The following TM9SF4 variants were observed in gnomAD, a reference collection of about 807,000 sequenced individuals.
TM9SF4 encodes dinucleotide oxidase disulfide thiol exchanger 3 superfamily member 4.
A neutral mutation model predicts 90.4 loss-of-function variants in TM9SF4; 26 were observed. That is an observed-to-expected ratio of 0.29 (90% CI 0.21 to 0.40). TM9SF4 has a LOEUF of 0.40. TM9SF4 is among the 10% of genes least tolerant of loss of function. TM9SF4 has a pLI of 1.00. For synonymous variants in TM9SF4, 293 were observed against 315.4 expected (o/e 0.93, Z 0.75); for missense variants, 549 against 834.8 (o/e 0.66, Z 4.22).
chr20:32,111,257 G>GTA (rs746739690), intron 1 of TM9SF4, among the ~76,000 whole-genome samples: 10 of 152,140 alleles, frequency 6.6e-5, no homozygotes, highest in Non-Finnish European at 1.3e-4. Context: ...CTACATATAT[G>GTA]TATATATATT....
In TM9SF4 at chr20:32,141,500, A is replaced by C; in HGVS notation, c.233A>C (p.Glu78Ala). The change falls in exon 4 of 18, where the codon GAG becomes GCG. Residue 78 changes from glutamate to alanine, a missense_variant. By Grantham distance (107) the Glu-to-Ala change is moderately radical. Transcript: ENST00000398022. ...TGATCTGTCTCTCTTACGGCAGGAG[A>C]GGTGCTGAGAGGGGACCGGATTGTC... The part of the protein sequence containing the change: ...KITYKAENLG[E>A]VLRGDRIVNT... 1 of 1,613,806 alleles carries C rather than the reference A, an allele frequency of 6.2e-7. No homozygotes were observed. The highest frequency in any genetic ancestry group is 8.5e-7 in the Non-Finnish European group (1 of 1,179,910).
chr20:32,161,404 G>T (rs1053816847), intron 17 of TM9SF4, 39 bp downstream of exon 17: 1 of 1,586,026 alleles, frequency 6.3e-7, no homozygotes, highest in African/African-American at 1.3e-5. Flanking sequence ...AGTCCTCATA[G>T]GGTAGGAAGG....
At chr20:32,138,367 G>A (rs1189412149) in intron 3 of TM9SF4, among the ~76,000 whole-genome samples, 2 of 152,182 alleles carry the variant, frequency 1.3e-5, no homozygotes, top group Admixed American at 1.3e-4. Context: ...TTTCGCTCAT[G>A]CCTGTAATCC....
In TM9SF4 at chr20:32,136,089, A is replaced by G; in HGVS notation, c.145A>G (p.Ser49Gly). 6.2e-7 allele frequency: 1 copy of G among 1,614,188 alleles called. No individual in the cohort carries two copies. The highest frequency in any genetic ancestry group is 8.5e-7 in the Non-Finnish European group (1 of 1,180,030). ...TTCCCATCAGGCTGTGAAGCTCACC[A>G]GCTCTCGAACCCAGCTACCTTATGA... ...PVEIKAVKLT[S>G]SRTQLPYEYY... Residue 49 changes from serine (S) to glycine (G), a missense_variant, in exon 3 of 18, where the codon AGC (serine) becomes GGC (glycine). Ser to Gly is a moderately conservative substitution (Grantham distance 56). Coordinates refer to ENST00000398022, the MANE Select transcript of TM9SF4 (RefSeq NM_014742.4).
intron 3 of TM9SF4, among the ~76,000 whole-genome samples, chr20:32,138,938 C>G (rs923739650): frequency 6.6e-6 from 1 of 152,236 alleles, no homozygotes; most frequent in African/African-American, 2.4e-5. Flanking sequence ...AGCTTGTCAT[C>G]TATAAAATGC....
chr20:32,165,437 T>C lies in TM9SF4; in HGVS notation c.1922T>C (p.Ile641Thr), dbSNP rs1315571782. The C allele has an allele frequency of 6.2e-7, 1 of 1,614,172 alleles. No individual in the cohort carries two copies. The highest frequency in any genetic ancestry group is 8.5e-7 in the Non-Finnish European group (1 of 1,180,022). ...FVRKIYAAVK[I>T]D ...CGCAAGATCTATGCTGCTGTGAAGA[T>C]AGACTGATTGGAGTGGACCACGGCC... The change falls in exon 18 of 18, where the codon ATA becomes ACA. Residue 641 changes from isoleucine to threonine, a missense_variant. By Grantham distance (89) the Ile-to-Thr change is moderately conservative. Around this residue, in one of 2 missense-constraint regions of TM9SF4, gnomAD observed 54 missense variants for 123.1 expected, o/e 0.44. Transcript: ENST00000398022.
chr20:32,158,353 C>T, intron 14 of TM9SF4, 98 bp from the exon 15 acceptor site: 1 of 1,140,020 alleles, frequency 8.8e-7, no homozygotes, highest in Non-Finnish European at 1.3e-6. Flanking sequence ...CACCACCACA[C>T]TCGTGTAGGT....
chr20:32,112,885 T>C (rs1490213637), intron 1 of TM9SF4, among the ~76,000 whole-genome samples: 1 of 152,168 alleles, frequency 6.6e-6, no homozygotes, highest in Non-Finnish European at 1.5e-5. Flanking sequence ...AGAAACTTCA[T>C]ATCTGGTGCA....
chr20:32,116,862 CTTTTTTTTTTTTTTT>C (rs201365030), intron 1 of TM9SF4, among the ~76,000 whole-genome samples: 1 of 95,852 alleles, frequency 1.0e-5, no homozygotes, highest in African/African-American at 4.1e-5. Flanking sequence ...TTTCCTTTTT[CTTTTTTTTTTTTTTT>C]TTTTTTTTTT....
intron 1 of TM9SF4, among the ~76,000 whole-genome samples, chr20:32,119,027 A>G (rs1352888395): frequency 6.6e-6 from 1 of 152,182 alleles, no homozygotes; most frequent in African/African-American, 2.4e-5. Flanking sequence ...TACCATAAAT[A>G]TATTCAATTT....
chr20:32,147,012 C>T (rs1205878310), intron 9 of TM9SF4, among the ~76,000 whole-genome samples, 157 bp downstream of exon 9: 1 of 149,108 alleles, frequency 6.7e-6, no homozygotes, highest in African/African-American at 2.5e-5. Flanking sequence ...GACGGAGTCT[C>T]GCTCTGTCAC....
In TM9SF4 at chr20:32,155,200, C is replaced by T; in HGVS notation, c.1329+14C>T. The stretch of plus-strand genomic sequence containing the variant: ...TCATCAGGAGCGGTAAGTGCCTCCC[C>T]TACCCTTCCAGCCCCTCCCCAGCAA... On this transcript the variant is annotated intron_variant, in intron 13 of 17. Coordinates refer to ENST00000398022, the MANE Select transcript of TM9SF4 (RefSeq NM_014742.4). 1.2e-6 allele frequency: 2 copies of T among 1,609,600 alleles called. No homozygotes were observed. Among genetic ancestry groups the T allele is most frequent in the Non-Finnish European group, 8.5e-7 (1 of 1,175,750 alleles).
In TM9SF4 at chr20:32,165,299, A is replaced by G. The variant is rs750705396; in HGVS notation, c.1784A>G (p.Asp595Gly). The change falls in exon 18 of 18, where the codon GAC becomes GGC. Residue 595 changes from aspartate to glycine, a missense_variant. Around this residue, in one of 2 missense-constraint regions of TM9SF4, gnomAD observed 54 missense variants for 123.1 expected, o/e 0.44. Transcript: ENST00000398022. ...YAIFYFVNKL[D>G]IVEFIPSLLY... The stretch of plus-strand genomic sequence containing the variant: ...TCTTTCTGCTCGTGGCCGCAGCTGG[A>G]CATCGTGGAGTTCATCCCCTCTCTC... 22 of 1,614,040 alleles carry G rather than the reference A, an allele frequency of 1.4e-5. No individual in the cohort carries two copies. The highest frequency in any genetic ancestry group is 2.2e-5 in the East Asian group (1 of 44,886).
At chr20:32,135,972 C>G (rs919778421) in intron 2 of TM9SF4, 102 bp from the exon 3 acceptor site, 1 of 924,028 alleles carries the variant, frequency 1.1e-6, no homozygotes, top group African/African-American at 1.6e-5. Flanking sequence ...GTCATTTCTG[C>G]TAATTCGTTT....
chr20:32,155,279 C>T, intron 13 of TM9SF4, 93 bp downstream of exon 13: 1 of 1,071,670 alleles, frequency 9.3e-7, no homozygotes, highest in Non-Finnish European at 1.4e-6. Context: ...CTGCCATTCC[C>T]TTCCCTTTTC....
intron 3 of TM9SF4, among the ~76,000 whole-genome samples, chr20:32,138,361 G>A (rs899956691): frequency 1.3e-5 from 2 of 152,144 alleles, no homozygotes; most frequent in South Asian, 2.1e-4. Flanking sequence ...GAGCCATTTC[G>A]CTCATGCCTG....
chr20:32,148,861 G>A (rs950839995), intron 9 of TM9SF4, among the ~76,000 whole-genome samples: 1 of 151,846 alleles, frequency 6.6e-6, no homozygotes, highest in Non-Finnish European at 1.5e-5. Context: ...TAGTAGAGAC[G>A]GGGTTTCACC....
chr20:32,159,871 G>A, intron 15 of TM9SF4, 121 bp from the exon 16 acceptor site: 2 of 1,417,578 alleles, frequency 1.4e-6, no homozygotes, highest in Non-Finnish European at 2.0e-6. Context: ...CACATGCCAG[G>A]CCCACGGGCC....
At chr20:32,155,509 T>G (rs2046906280) in intron 13 of TM9SF4, among the ~76,000 whole-genome samples, 2 of 152,206 alleles carry the variant, frequency 1.3e-5, no homozygotes, top group Non-Finnish European at 2.9e-5. Context: ...CAGTGTGAGT[T>G]TATTAGGTCA....
Sources: allele counts gnomAD v4.1 joint callset (sites outside exome capture counted in the v4.1 genomes callset), GRCh38; gene constraint gnomAD v4.1.1; regional missense constraint gnomAD v4.1.1; transcripts MANE v1.5; gene names NCBI Gene and HGNC (gene_info 2026-07-23, HGNC 2026-07-21).